SRCIN1: variants seen among roughly 807,000 people sequenced by gnomAD.
SRCIN1 encodes SRC kinase signaling inhibitor 1.
A neutral mutation model predicts 116.2 loss-of-function variants in SRCIN1; 50 were observed. That is an observed-to-expected ratio of 0.43 (90% confidence interval 0.34 to 0.54). The LOEUF (loss-of-function observed/expected upper bound fraction) is 0.54, where lower values mean the gene tolerates loss of function less well. SRCIN1 is among the 20% of genes least tolerant of loss of function. The pLI is 0.02. For synonymous variants in SRCIN1, 736 were observed against 750.0 expected, an observed-to-expected ratio of 0.98 and a Z score of 0.30; for missense variants, 1,446 against 1,672.0, an observed-to-expected ratio of 0.86 and a Z score of 2.36.
At position 38,530,140 on chromosome 17, in the gene SRCIN1, G is replaced by A. The variant is rs2040899791; in HGVS notation, c.*3157C>T. The A allele has an allele frequency of 6.6e-6, 1 of 152,318 alleles. No individual in the cohort carries two copies. The highest frequency in any genetic ancestry group is 1.5e-5 in the Non-Finnish European group (1 of 68,108). 9.4% of individuals were successfully genotyped at this position (152,318 alleles called of 1,614,324 possible). A position where few individuals can be genotyped will look rare whatever the true frequency, so the allele number is the denominator to read the frequency against. On this transcript the variant is annotated 3_prime_UTR_variant, in exon 19 of 19. Transcript: ENST00000617146. ...AGAAAAAAGGACATTAAAAAAGAGA[G>A]ACAGAGAAAACACAGCAACCCTTTT... is the stretch of plus-strand genomic sequence containing the variant.
chr17:38,578,241 C>T (rs1487230862), intron 2 of SRCIN1, among the ~76,000 whole-genome samples: 1 of 152,234 alleles, frequency 6.6e-6, no homozygotes, highest in Non-Finnish European at 1.5e-5. Flanking sequence ...CACACGCTCT[C>T]GATTTCCGGA....
At chr17:38,550,294 A>G (rs888684323) in intron 15 of SRCIN1, among the ~76,000 whole-genome samples, 2 of 152,130 alleles carry the variant, frequency 1.3e-5, no homozygotes, top group African/African-American at 2.4e-5. Flanking sequence ...GGAGATCGAG[A>G]CCATCCTGGC....
intron 1 of SRCIN1, among the ~76,000 whole-genome samples, chr17:38,595,367 G>A (rs929053137): frequency 1.3e-5 from 2 of 152,010 alleles, no homozygotes; most frequent in African/African-American, 2.4e-5. Context: ...ACAGACACCC[G>A]CCACCACACC....
rs1322106025 is a variant in SRCIN1 at position 38,533,220 on chromosome 17, G to T, written c.*77C>A. The T allele has an allele frequency of 1.7e-5, 25 of 1,487,934 alleles. 1 individual carries two copies. In the East Asian group the frequency reaches 5.2e-4, roughly 31 times the overall value. 92.2% of individuals were successfully genotyped at this position (1,487,934 alleles called of 1,614,324 possible). A position where few individuals can be genotyped will look rare whatever the true frequency, so the allele number is the denominator to read the frequency against. On this transcript the variant is annotated 3_prime_UTR_variant, in exon 19 of 19. Coordinates refer to ENST00000617146, the MANE Select transcript of SRCIN1 (RefSeq NM_025248.3). Reference sequence around the variant, plus strand: ...CGTCTGGAGAGTAGGGTGGGGTGGGGTGGAGATGAAGGAAGAGAGGGGAGA... The same window carrying T: ...CGTCTGGAGAGTAGGGTGGGGTGGGTTGGAGATGAAGGAAGAGAGGGGAGA...
Position 38,552,862 on chromosome 17 carries a change from C to A in SRCIN1, c.2202-7G>T, listed in dbSNP as rs762661278. Reference sequence around the variant, plus strand: ...CACCGATTTCTCCAGGTCACTGCAGCCACAGAGAGACCCTTTCAGCCCTTT... The same window carrying A: ...CACCGATTTCTCCAGGTCACTGCAGACACAGAGAGACCCTTTCAGCCCTTT... On this transcript the variant is annotated splice_polypyrimidine_tract_variant and splice_region_variant and intron_variant, in intron 11 of 18. Transcript: ENST00000617146. The surrounding 1 kb of genome is among the most constrained non-coding windows in gnomAD (Gnocchi z 5.3). 11 of 1,612,760 alleles carry A rather than the reference C, an allele frequency of 6.8e-6. 1 individual carries two copies. The South Asian group carries it at 1.2e-4, about 18-fold the overall frequency.
At chr17:38,595,180 CCAGTGCCTGGCA>C (rs1220147455) in intron 1 of SRCIN1, among the ~76,000 whole-genome samples, 2 of 152,136 alleles carry the variant, frequency 1.3e-5, no homozygotes, top group Admixed American at 1.3e-4. Flanking sequence ...TGAGCCTAGC[CCAGTGCCTGGCA>C]CAGAGAAAGT....
chr17:38,570,146 G>A (rs1037306677), intron 2 of SRCIN1, among the ~76,000 whole-genome samples: 3 of 151,956 alleles, frequency 2.0e-5, no homozygotes, highest in Admixed American at 6.6e-5. Context: ...CACCCAGAGC[G>A]ACACACACAC....
rs1156351511 is a variant in SRCIN1, at chr17:38,563,298, C to G, written c.740+25G>C. 1 of 1,558,262 alleles carries G rather than the reference C, an allele frequency of 6.4e-7. No homozygotes were observed. The highest frequency in any genetic ancestry group is 1.2e-5 in the South Asian group (1 of 84,412). ...GAGGAGGAGCGTGGGGAAGCCCACC[C>G]AAATCCCCCCCGGTCCACGCCCACC... is the stretch of plus-strand genomic sequence containing the variant. On this transcript the variant is annotated intron_variant, in intron 5 of 18. Transcript: ENST00000617146. This position sits in a 1 kb window ranked among gnomAD's most constrained non-coding sequence, Gnocchi z 5.8.
Position 38,563,869 on chromosome 17 carries a change from G to C in SRCIN1, c.541+249C>G, listed in dbSNP as rs966102906. 8 of 610,832 alleles carry C rather than the reference G, an allele frequency of 1.3e-5. No individual in the cohort carries two copies. In the East Asian group the frequency reaches 2.2e-4, roughly 17 times the overall value. The allele number at this position is 610,832 out of a possible 1,614,324, so 37.8% of individuals were successfully genotyped here. On this transcript the variant is annotated intron_variant, in intron 4 of 18. Transcript: ENST00000617146. This position sits in a 1 kb window ranked among gnomAD's most constrained non-coding sequence, Gnocchi z 5.8. ...GAAGGGAGATGGGAGAGAAGGGAGGGATGAAAGAAAGGGACAGAAAAGGAA... is the reference window on the plus strand; with the variant it reads ...GAAGGGAGATGGGAGAGAAGGGAGGCATGAAAGAAAGGGACAGAAAAGGAA...
At chr17:38,566,289 C>T (rs149067129) in intron 3 of SRCIN1, among the ~76,000 whole-genome samples, 5 of 152,284 alleles carry the variant, frequency 3.3e-5, no homozygotes, top group East Asian at 1.9e-4. Context: ...GAGATGCCCA[C>T]GTTCCCTGCT....
Position 38,568,446 on chromosome 17 carries a change from G to A in SRCIN1, c.325-215C>T, listed in dbSNP as rs1034392543. Reference sequence around the variant, plus strand: ...GTACCCAGGATGGCCCTGAGCAGGCGCTACAGCGACTCCTCGCAGAGTTAC... The same window carrying A: ...GTACCCAGGATGGCCCTGAGCAGGCACTACAGCGACTCCTCGCAGAGTTAC... On this transcript the variant is annotated intron_variant, in intron 2 of 18. Coordinates refer to ENST00000617146, the MANE Select transcript of SRCIN1 (RefSeq NM_025248.3). The surrounding 1 kb of genome is among the most constrained non-coding windows in gnomAD (Gnocchi z 4.5). Among the ~76,000 whole-genome samples the A allele has an allele frequency of 6.6e-6, 1 of 152,218 alleles. No individual in the cohort carries two copies.
At chr17:38,571,143 T>C (rs1459503509) in intron 2 of SRCIN1, among the ~76,000 whole-genome samples, 1 of 152,146 alleles carries the variant, frequency 6.6e-6, no homozygotes. Flanking sequence ...TTCCAGGATT[T>C]TAACCCATGG....
chr17:38,544,583 G>A lies in SRCIN1; in HGVS notation c.3271-614C>T, dbSNP rs1904962748. On this transcript the variant is annotated intron_variant, in intron 17 of 18. Transcript: ENST00000617146. This position sits in a 1 kb window ranked among gnomAD's most constrained non-coding sequence, Gnocchi z 4.5. ...AGGGGAGGGGAGCATGGGGATGGAA[G>A]GTGGGGAGAGAACTTTATTTGTTGG... 1 of 152,362 alleles carries A rather than the reference G, an allele frequency of 6.6e-6. No homozygotes were observed. Among genetic ancestry groups the A allele is most frequent in the Non-Finnish European group, 1.5e-5 (1 of 68,128 alleles). 9.4% of individuals were successfully genotyped at this position (152,362 alleles called of 1,614,324 possible).
intron 2 of SRCIN1, among the ~76,000 whole-genome samples, chr17:38,576,491 G>T (rs1907423702): frequency 6.6e-6 from 1 of 151,764 alleles, no homozygotes. Context: ...TCCCTTCTTA[G>T]ACCCCACTGT....
In SRCIN1 at chr17:38,563,677, A is replaced by T; in HGVS notation, c.542-156T>A. ...GTGCAGATGCACCCAGGCACCTCTC[A>T]TGCTGCCGGCGGGGGCGCCAGGCCG... On this transcript the variant is annotated intron_variant, in intron 4 of 18. Coordinates refer to ENST00000617146, the MANE Select transcript of SRCIN1 (RefSeq NM_025248.3). This position sits in a 1 kb window ranked among gnomAD's most constrained non-coding sequence, Gnocchi z 5.8. 7.6e-6 allele frequency: 8 copies of T among 1,052,208 alleles called. No individual in the cohort carries two copies. The highest frequency in any genetic ancestry group is 1.1e-5 in the Non-Finnish European group (8 of 707,192). The allele number at this position is 1,052,208 out of a possible 1,614,324, so 65.2% of individuals were successfully genotyped here. A position where few individuals can be genotyped will look rare whatever the true frequency, so the allele number is the denominator to read the frequency against.
intron 1 of SRCIN1, among the ~76,000 whole-genome samples, chr17:38,597,389 T>C (rs1597938447): frequency 3.9e-5 from 6 of 152,266 alleles, no homozygotes; most frequent in Admixed American, 3.9e-4. Context: ...AGGTTTCTTA[T>C]GTATGCCCTT....
intron 3 of SRCIN1, among the ~76,000 whole-genome samples, chr17:38,565,113 G>A (rs1567868089): frequency 6.6e-6 from 1 of 152,192 alleles, no homozygotes; most frequent in East Asian, 1.9e-4. Context: ...GCTGGGGGTG[G>A]GGGAGGATGT....
intron 3 of SRCIN1, among the ~76,000 whole-genome samples, chr17:38,566,906 C>CTTCCTTCCTTCCTTCT (rs1906745284): frequency 2.5e-4 from 34 of 134,618 alleles, no homozygotes; most frequent in African/African-American, 8.8e-4. Flanking sequence ...TCCTTCTTTC[C>CTTCCTTCCTTCCTTCT]TTCCTTCCTT....
rs748064505 is a variant in SRCIN1, at chr17:38,551,952, C to T, written c.2661G>A (p.Gly887=). The T allele has an allele frequency of 6.2e-7, 1 of 1,614,060 alleles. No homozygotes were observed. The highest frequency in any genetic ancestry group is 8.5e-7 in the Non-Finnish European group (1 of 1,179,910). Residue 887 remains glycine, a synonymous_variant, in exon 14 of 19, where the codon GGG becomes GGA. Coordinates refer to ENST00000617146, the MANE Select transcript of SRCIN1 (RefSeq NM_025248.3). ...PAEGASLTPK[G]GNPTKGLDTP... is the part of the protein sequence containing the mutation. ...TGTCCAGGCCTTTGGTGGGGTTGCC[C>T]CCCTTGGGGGTAAGAGAGGCTCCTT... is the stretch of plus-strand genomic sequence containing the variant.
Sources: gnomAD v4.1 joint callset for allele counts (sites outside exome capture counted in the v4.1 genomes callset) on GRCh38, gnomAD v4.1.1 for gene constraint, Gnocchi (gnomAD v3.1) non-coding constraint, MANE v1.5 for transcripts, NCBI Gene and HGNC (gene_info 2026-07-23, HGNC 2026-07-21) for gene names.